ACAD9: variants seen among roughly 807,000 people sequenced by gnomAD.
ACAD9 encodes complex I assembly factor ACAD9, mitochondrial.
A neutral mutation model predicts 70.2 loss-of-function variants in ACAD9; 53 were observed. That is an observed-to-expected ratio of 0.75 (90% CI 0.61 to 0.95). The LOEUF (loss-of-function observed/expected upper bound fraction) is 0.95. Ranked by LOEUF, ACAD9 falls within the 40% of genes least tolerant of loss-of-function variation. ACAD9 has a pLI of 0.00. For missense variants in ACAD9, 777 were observed against 802.8 expected (o/e 0.97, Z 0.39); for synonymous variants, 313 against 312.1 (o/e 1.00, Z -0.03).
At chr3:128,883,810 ATAGAG>A (rs1437131953) in intron 1 of ACAD9, among the ~76,000 whole-genome samples, 5 of 152,114 alleles carry the variant, frequency 3.3e-5, no homozygotes, top group Non-Finnish European at 5.9e-5. Context: ...GAGCATATTG[ATAGAG>A]TAGAGAAATC....
At chr3:128,905,460 G>A (rs56396516) in intron 11 of ACAD9, among the ~76,000 whole-genome samples, 2,935 of 152,348 alleles carry the variant, frequency 0.019, 49 homozygotes, top group Non-Finnish European at 0.025. Context: ...GAGAGAAATA[G>A]TGAGAGGTAT....
At chr3:128,905,147 T>C (rs1935851054) in intron 11 of ACAD9, among the ~76,000 whole-genome samples, 1 of 150,570 alleles carries the variant, frequency 6.6e-6, no homozygotes, top group Admixed American at 6.6e-5. Context: ...AAACTCCATC[T>C]CAAAAAAAAA....
chr3:128,912,967 G>T lies in ACAD9; in HGVS notation c.*360G>T, dbSNP rs1212693760. 4 of 480,596 alleles carry T rather than the reference G, an allele frequency of 8.3e-6. No homozygotes were observed. Among genetic ancestry groups the T allele is most frequent in the Non-Finnish European group, 1.6e-5 (4 of 243,760 alleles). The allele number at this position is 480,596 out of a possible 1,614,324, so 29.8% of individuals were successfully genotyped here. A position where few individuals can be genotyped will look rare whatever the true frequency, so the allele number is the denominator to read the frequency against. On this transcript the variant is annotated 3_prime_UTR_variant, in exon 18 of 18. Transcript: ENST00000308982. ...TGGGGACCTGTGTCAGGTGTGGATA[G>T]CCATTTCTGCTCAACCACACATTCT... is the stretch of plus-strand genomic sequence containing the variant.
rs1166156488 is a variant in ACAD9 at position 128,896,435 on chromosome 3, G to A, written c.454-1G>A. On this transcript the variant is annotated splice_acceptor_variant, in intron 4 of 17. Transcript: ENST00000308982. LOFTEE classifies it high-confidence loss of function. ...CATTAGTCTGTGTCTGTTTTGTTTA[G>A]GGGATCATCTTGGCTGGCACTGAGG... 2 of 1,614,114 alleles carry A rather than the reference G, an allele frequency of 1.2e-6. No homozygotes were observed. Among genetic ancestry groups the A allele is most frequent in the South Asian group, 1.1e-5 (1 of 91,068 alleles).
chr3:128,894,872 A>ATTTT (rs138817276), intron 3 of ACAD9, among the ~76,000 whole-genome samples: 35 of 105,392 alleles, frequency 3.3e-4, no homozygotes, highest in African/African-American at 1.1e-3. Context: ...CTGTATTGTG[A>ATTTT]TTTTTTTTTT....
intron 5 of ACAD9, among the ~76,000 whole-genome samples, chr3:128,897,094 C>T (rs1935589028): frequency 2.0e-5 from 3 of 152,218 alleles, no homozygotes; most frequent in Admixed American, 2.0e-4. Context: ...ATGTTTAAAC[C>T]TAAGCCCAAG....
chr3:128,912,793 T>A lies in ACAD9; in HGVS notation c.*186T>A. 1.4e-6 allele frequency: 1 copy of A among 736,470 alleles called. No homozygotes were observed. Among genetic ancestry groups the A allele is most frequent in the South Asian group, 1.4e-5 (1 of 73,518 alleles). The allele number at this position is 736,470 out of a possible 1,614,324, so 45.6% of individuals were successfully genotyped here. On this transcript the variant is annotated 3_prime_UTR_variant, in exon 18 of 18. Coordinates refer to ENST00000308982, the MANE Select transcript of ACAD9 (RefSeq NM_014049.5). Reference sequence around the variant, plus strand: ...CCAGGTTTTGACCTGCAGGCAGTGCTCTCTAACAGGACCATCACAGCTTCT... The same window carrying A: ...CCAGGTTTTGACCTGCAGGCAGTGCACTCTAACAGGACCATCACAGCTTCT...
At chr3:128,883,290 G>A (rs1384753156) in intron 1 of ACAD9, among the ~76,000 whole-genome samples, 1 of 151,802 alleles carries the variant, frequency 6.6e-6, no homozygotes, top group African/African-American at 2.4e-5. Context: ...CAATCCCCCT[G>A]CGTCAGCTTC....
Position 128,910,829 on chromosome 3 carries a change from T to TG in ACAD9, c.1765+21dup. 2 of 1,613,938 alleles carry TG rather than the reference T, an allele frequency of 1.2e-6. No individual in the cohort carries two copies. Among genetic ancestry groups the TG allele is most frequent in the South Asian group, 1.1e-5 (1 of 91,056 alleles). On this transcript the variant is annotated intron_variant, in intron 17 of 17. Coordinates refer to ENST00000308982, the MANE Select transcript of ACAD9 (RefSeq NM_014049.5). Reference sequence around the variant, plus strand: ...CTGGACAAGTGTGAGTGGCATGTCTTGGGGGAGGGAAGGAAGGGCCCACTT... The same window carrying TG: ...CTGGACAAGTGTGAGTGGCATGTCTTGGGGGGAGGGAAGGAAGGGCCCACTT...
chr3:128,880,205 C>T (rs990066105), intron 1 of ACAD9: 1 of 415,198 alleles, frequency 2.4e-6, no homozygotes, highest in Non-Finnish European at 4.3e-6. Flanking sequence ...CCATGTCCCT[C>T]CTCAGTCACC....
At chr3:128,894,529 C>T (rs999452718) in intron 3 of ACAD9, among the ~76,000 whole-genome samples, 12 of 148,660 alleles carry the variant, frequency 8.1e-5, no homozygotes, top group Non-Finnish European at 1.0e-4. Flanking sequence ...CACAAGATTG[C>T]GAGCTTTTTT....
intron 2 of ACAD9, among the ~76,000 whole-genome samples, chr3:128,888,274 A>C (rs933499562): frequency 1.3e-5 from 2 of 152,176 alleles, no homozygotes; most frequent in Non-Finnish European, 2.9e-5. Flanking sequence ...ATTTAAAAGC[A>C]AGTAACATCT....
chr3:128,887,644 A>AATAAATATATATATATAT (rs1436892805), intron 2 of ACAD9, among the ~76,000 whole-genome samples: 7 of 133,102 alleles, frequency 5.3e-5, no homozygotes, highest in African/African-American at 2.0e-4. Context: ...AAAATAAATA[A>AATAAATATATATATATAT]ATATATATAT....
In ACAD9 at chr3:128,895,358, T is replaced by C; in HGVS notation, c.395T>C (p.Ile132Thr). 1 of 1,613,052 alleles carries C rather than the reference T, an allele frequency of 6.2e-7. No individual in the cohort carries two copies. The highest frequency in any genetic ancestry group is 2.2e-5 in the East Asian group (1 of 44,868). Residue 132 changes from isoleucine to threonine, a missense_variant, in exon 4 of 18, where the codon ATC becomes ACC. Coordinates refer to ENST00000308982, the MANE Select transcript of ACAD9 (RefSeq NM_014049.5). ...ATGTACTCAAGACTAGGGGAGATCA[T>C]CAGCATGGATGGGTCCATCACTGTG... ...NTMYSRLGEI[I>T]SMDGSITVTL...
chr3:128,902,494 T>G lies in ACAD9; in HGVS notation c.883-59T>G. 1 of 1,586,896 alleles carries G rather than the reference T, an allele frequency of 6.3e-7. No individual in the cohort carries two copies. The highest frequency in any genetic ancestry group is 8.7e-7 in the Non-Finnish European group (1 of 1,155,386). On this transcript the variant is annotated intron_variant, in intron 8 of 17. Coordinates refer to ENST00000308982, the MANE Select transcript of ACAD9 (RefSeq NM_014049.5). The surrounding 1 kb of genome is among the most constrained non-coding windows in gnomAD (Gnocchi z 4.0). ...GCTGATCCACCTGGCCTGGTTTCGT[T>G]GCGGCCTCCTCCCTCTGCCTCCTTC...
chr3:128,904,124 T>C lies in ACAD9; in HGVS notation c.1021T>C (p.Leu341=). ...TAACAAGAGGCTCAGTGAATTTGGA[T>C]TGATTCAGGTACCAATGGTTGAGTA... ...QFNKRLSEFG[L]IQEKFALMAQ... The change falls in exon 10 of 18, where the codon TTG becomes CTG. Residue 341 remains leucine, a synonymous_variant. Transcript: ENST00000308982. 6.2e-7 allele frequency: 1 copy of C among 1,614,166 alleles called. No individual in the cohort carries two copies.
chr3:128,898,853 TTCC>T (rs1233310429), intron 6 of ACAD9, among the ~76,000 whole-genome samples: 5 of 152,226 alleles, frequency 3.3e-5, no homozygotes, highest in African/African-American at 1.2e-4. Context: ...TCTGTTTCCT[TTCC>T]TCCTCCTCAC....
intron 1 of ACAD9, 56 bp downstream of exon 1, chr3:128,879,897 C>T: frequency 1.2e-6 from 2 of 1,612,828 alleles, no homozygotes; most frequent in Non-Finnish European, 1.7e-6. Context: ...TCACCCTCAG[C>T]TGCAAGACTG....
chr3:128,908,924 G>A (rs1453184754), intron 13 of ACAD9, 49 bp from the exon 14 acceptor site: 4 of 1,613,388 alleles, frequency 2.5e-6, no homozygotes, highest in Non-Finnish European at 3.4e-6. Context: ...GCTGGACAGT[G>A]AGCGCCAGCA....
Sources: gnomAD v4.1 joint callset for allele counts (sites outside exome capture counted in the v4.1 genomes callset) on GRCh38, gnomAD v4.1.1 for gene constraint, Gnocchi (gnomAD v3.1) non-coding constraint, MANE v1.5 for transcripts, NCBI Gene and HGNC (gene_info 2026-07-23, HGNC 2026-07-21) for gene names.